The following FARP1 variants were observed in gnomAD, a reference collection of about 807,000 sequenced individuals.
FARP1 encodes FERM, ARHGEF and pleckstrin domain-containing protein 1.
A neutral mutation model predicts 128.8 loss-of-function variants in FARP1; 52 were observed. The ratio of observed to expected loss-of-function variants is 0.40; its 90% CI spans 0.32 to 0.51. The LOEUF (loss-of-function observed/expected upper bound fraction) is 0.51. Ranked by LOEUF, FARP1 falls within the 20% of genes least tolerant of loss-of-function variation. The probability of loss-of-function intolerance (pLI) is 0.45; values close to 1 mark genes in which losing one functional copy is unlikely to be tolerated. For missense variants in FARP1, 1,333 were observed against 1,367.9 expected, an observed-to-expected ratio of 0.97 and a Z score of 0.40; for synonymous variants, 580 against 551.8, an observed-to-expected ratio of 1.05 and a Z score of -0.72.
chr13:98,378,984 TAA>T lies in FARP1; in HGVS notation c.496+1067_496+1068del, dbSNP rs1491308469. Among the ~76,000 whole-genome samples, 4 of 96,838 alleles carry T rather than the reference TAA, an allele frequency of 4.1e-5. 1 individual carries two copies. Among genetic ancestry groups the T allele is most frequent in the Non-Finnish European group, 7.4e-5 (4 of 54,296 alleles). 63.5% of individuals were successfully genotyped at this position (96,838 alleles called of 152,430 possible). On this transcript the variant is annotated intron_variant, in intron 6 of 26. Transcript: ENST00000319562. ...ATATATACAATATATAATCTATATA[TAA>T]TATATATATAATATATACAATATAT...
Position 98,446,621 on chromosome 13 carries a change from G to A in FARP1, c.2905-45G>A, listed in dbSNP as rs1214803541. ...GGGGCAGCAGCCAGGCCCAGCAGCA[G>A]AAGCTGACCCCGAAAAGCCACTTTG... On this transcript the variant is annotated intron_variant, in intron 25 of 26. Coordinates refer to ENST00000319562, the MANE Select transcript of FARP1 (RefSeq NM_005766.4). 4 of 1,603,746 alleles carry A rather than the reference G, an allele frequency of 2.5e-6. No homozygotes were observed. The African/African-American group carries it at 5.3e-5, about 21-fold the overall frequency.
chr13:98,265,096 C>T (rs1162208014), intron 2 of FARP1, among the ~76,000 whole-genome samples: 1 of 152,012 alleles, frequency 6.6e-6, no homozygotes, highest in African/African-American at 2.4e-5. Flanking sequence ...CACTAGTGCT[C>T]GTAAAGTGTT....
intron 1 of FARP1, among the ~76,000 whole-genome samples, chr13:98,210,631 C>G (rs1880638639): frequency 6.6e-6 from 1 of 151,654 alleles, no homozygotes; most frequent in African/African-American, 2.4e-5. Context: ...CTCACTGCAA[C>G]CTCCGCCTTC....
chr13:98,354,571 T>C (rs1888566359), intron 3 of FARP1, among the ~76,000 whole-genome samples: 1 of 152,226 alleles, frequency 6.6e-6, no homozygotes, highest in Non-Finnish European at 1.5e-5. Context: ...AAGTAGCTGA[T>C]AAAACAATTT....
chr13:98,333,038 A>G (rs1202605302), intron 2 of FARP1: 1 of 152,188 alleles, frequency 6.6e-6, no homozygotes, highest in Non-Finnish European at 1.5e-5. Context: ...ATGCACTTTC[A>G]TGACTTCATT....
intron 2 of FARP1, among the ~76,000 whole-genome samples, chr13:98,217,399 C>T (rs1234557127): frequency 2.6e-5 from 4 of 152,138 alleles, no homozygotes; most frequent in South Asian, 2.1e-4. Context: ...CCCAGAAGCC[C>T]CCCAGGAGAG....
chr13:98,253,719 C>T lies in FARP1; in HGVS notation c.171+40306C>T, dbSNP rs146979741. ...GCTCGGTTTCCAGCCCAGATGTTTCCAGCCAGATGTGCTCTGCTCTTGGCC... is the reference window on the plus strand; with the variant it reads ...GCTCGGTTTCCAGCCCAGATGTTTCTAGCCAGATGTGCTCTGCTCTTGGCC... On this transcript the variant is annotated intron_variant, in intron 2 of 26. Transcript: ENST00000319562. Among the ~76,000 whole-genome samples, 13 of 152,316 alleles carry T rather than the reference C, an allele frequency of 8.5e-5. No individual in the cohort carries two copies. The East Asian group carries it at 2.1e-3, about 25-fold the overall frequency.
At chr13:98,181,533 A>G (rs1486985026) in intron 1 of FARP1, among the ~76,000 whole-genome samples, 6 of 151,966 alleles carry the variant, frequency 3.9e-5, no homozygotes, top group Non-Finnish European at 7.4e-5. Context: ...TTATAAAAAA[A>G]ATACAAAAAA....
intron 2 of FARP1, among the ~76,000 whole-genome samples, chr13:98,217,615 G>A (rs1427013345): frequency 1.3e-5 from 2 of 152,186 alleles, no homozygotes; most frequent in African/African-American, 4.8e-5. Context: ...AGAGCAATGA[G>A]CCTCCATGGA....
In FARP1 at chr13:98,387,708, C is replaced by T. The variant is rs149361406; in HGVS notation, c.760-675C>T. Among the ~76,000 whole-genome samples the T allele has an allele frequency of 2.8e-3, 419 of 152,268 alleles. 4 individuals carry two copies. The highest frequency in any genetic ancestry group is 9.2e-3 in the African/African-American group (381 of 41,558). ...CAAAGACAATGAAGACATGTGAATCCGGCCCAGAGACTGTGCTGGCCTTGA... is the reference window on the plus strand; with the variant it reads ...CAAAGACAATGAAGACATGTGAATCTGGCCCAGAGACTGTGCTGGCCTTGA... On this transcript the variant is annotated intron_variant, in intron 8 of 26. Transcript: ENST00000319562.
intron 7 of FARP1, among the ~76,000 whole-genome samples, chr13:98,385,449 CTT>C (rs1890059784): frequency 1.3e-5 from 2 of 152,072 alleles, no homozygotes; most frequent in Non-Finnish European, 2.9e-5. Flanking sequence ...AGTTTGGAGA[CTT>C]TTGGGGTTTT....
At chr13:98,198,743 T>G (rs889628579) in intron 1 of FARP1, among the ~76,000 whole-genome samples, 6 of 151,318 alleles carry the variant, frequency 4.0e-5, no homozygotes, top group Non-Finnish European at 7.4e-5. Flanking sequence ...CTGGGCACGG[T>G]GGCACATGCC....
chr13:98,413,832 T>G (rs1891281053), intron 16 of FARP1, among the ~76,000 whole-genome samples: 1 of 152,212 alleles, frequency 6.6e-6, no homozygotes, highest in Admixed American at 6.5e-5. Flanking sequence ...GTTTGTTCTC[T>G]GGCCAGCGAG....
At chr13:98,438,952 C>T (rs1194876667) in intron 20 of FARP1, 80 bp downstream of exon 20, 2 of 1,518,656 alleles carry the variant, frequency 1.3e-6, no homozygotes, top group Admixed American at 1.7e-5. Flanking sequence ...ACCTCGGCCA[C>T]CCAAGTGAGG....
At chr13:98,430,817 T>A (rs1029362302) in intron 17 of FARP1, among the ~76,000 whole-genome samples, 1 of 152,268 alleles carries the variant, frequency 6.6e-6, no homozygotes, top group African/African-American at 2.4e-5. Context: ...ATGATCCATG[T>A]GTATTTTAAA....
At chr13:98,244,833 G>A in intron 2 of FARP1, 1 of 1,482,188 alleles carries the variant, frequency 6.7e-7, no homozygotes, top group Non-Finnish European at 8.9e-7. Flanking sequence ...CTGCTGGGTA[G>A]GAGTAGATAC....
intron 2 of FARP1, among the ~76,000 whole-genome samples, chr13:98,224,228 T>TA (rs1566762555): frequency 2.6e-5 from 4 of 151,980 alleles, no homozygotes; most frequent in Non-Finnish European, 5.9e-5. Flanking sequence ...ACCCGTGGCT[T>TA]AAAAAATAGG....
intron 6 of FARP1, among the ~76,000 whole-genome samples, chr13:98,378,385 A>G (rs1889682436): frequency 6.6e-6 from 1 of 152,198 alleles, no homozygotes; most frequent in African/African-American, 2.4e-5. Flanking sequence ...GCTGGACCCT[A>G]GATATTTTAA....
chr13:98,305,130 A>G lies in FARP1; in HGVS notation c.172-38632A>G, dbSNP rs146992145. Among the ~76,000 whole-genome samples, 1,060 of 149,670 alleles carry G rather than the reference A, an allele frequency of 7.1e-3. 16 individuals carry two copies. Among genetic ancestry groups the G allele is most frequent in the African/African-American group, 0.024 (999 of 40,776 alleles). On this transcript the variant is annotated intron_variant, in intron 2 of 26. Coordinates refer to ENST00000319562, the MANE Select transcript of FARP1 (RefSeq NM_005766.4). ...TATATATATATATATTTTTTAATTT[A>G]TTTATTTTTTATTTTTATTATTTAT...
Sources: gnomAD v4.1 joint callset for allele counts (sites outside exome capture counted in the v4.1 genomes callset) on GRCh38, gnomAD v4.1.1 for gene constraint, MANE v1.5 for transcripts, NCBI Gene and HGNC (gene_info 2026-07-23, HGNC 2026-07-21) for gene names.